MARCHF1: variants seen among roughly 807,000 people sequenced by gnomAD.
MARCHF1 encodes the protein membrane associated ring-CH-type finger 1, also known as E3 ubiquitin-protein ligase MARCHF1.
A neutral mutation model predicts 54.2 loss-of-function variants in MARCHF1; 40 were observed. That is an observed-to-expected ratio of 0.74 (90% confidence interval 0.57 to 0.96). MARCHF1 has a LOEUF of 0.96. Among genes scored for constraint, MARCHF1 ranks in the 40% least tolerant of loss-of-function variants. MARCHF1 has a pLI of 0.00. For synonymous variants in MARCHF1, 236 were observed against 236.3 expected, an observed-to-expected ratio of 1.00 and a Z score of 0.01; for missense variants, 586 against 656.5, an observed-to-expected ratio of 0.89 and a Z score of 1.17.
In MARCHF1 at chr4:164,121,776, C is replaced by T. The variant is rs145881277; in HGVS notation, c.-322-10114G>A. ...ATTCCATCAAAAATTCAAAGAAGAA[C>T]TAATATCAACCCCACTCCAGCTATT... On this transcript the variant is annotated intron_variant, in intron 1 of 9. Transcript: ENST00000514618. Among the ~76,000 whole-genome samples, 56 of 152,182 alleles carry T rather than the reference C, an allele frequency of 3.7e-4. 2 individuals are homozygous for T. In the East Asian group the frequency reaches 0.01, roughly 28 times the overall value.
intron 1 of MARCHF1, among the ~76,000 whole-genome samples, chr4:164,164,974 G>A (rs1730333162): frequency 6.6e-6 from 1 of 151,928 alleles, no homozygotes; most frequent in Non-Finnish European, 1.5e-5. Flanking sequence ...AGAAAAAGAA[G>A]CTCAACTTCA....
rs77302915 is a variant in MARCHF1, at chr4:163,879,118, C to T, written c.-38-24949G>A. The stretch of plus-strand genomic sequence containing the variant: ...AAGGAAAACTCATCTTTAAGGCAAT[C>T]GTGAAAGAGACACTATGAAGACAAA... On this transcript the variant is annotated intron_variant, in intron 3 of 9. Transcript: ENST00000514618. Among the ~76,000 whole-genome samples the T allele has an allele frequency of 0.015, 2,284 of 152,212 alleles. 128 individuals carry two copies. The East Asian group carries it at 0.18, about 12-fold the overall frequency.
At chr4:163,769,166 C>G (rs1331072218) in intron 4 of MARCHF1, among the ~76,000 whole-genome samples, 3 of 152,078 alleles carry the variant, frequency 2.0e-5, no homozygotes, top group Non-Finnish European at 2.9e-5. Flanking sequence ...AACAGGCAAA[C>G]ACATTTCTGA....
chr4:164,307,963 C>G (rs954810297), intron 1 of MARCHF1, among the ~76,000 whole-genome samples: 1 of 152,128 alleles, frequency 6.6e-6, no homozygotes, highest in African/African-American at 2.4e-5. Context: ...ACATGATTTA[C>G]CCCTTGAGCC....
intron 3 of MARCHF1, among the ~76,000 whole-genome samples, chr4:163,937,844 A>G (rs1227618030): frequency 6.6e-6 from 1 of 152,190 alleles, no homozygotes; most frequent in Admixed American, 6.5e-5. Context: ...CAGAGTTTAA[A>G]TTATAGGAAA....
At chr4:164,075,548 C>T (rs574061205) in intron 2 of MARCHF1, among the ~76,000 whole-genome samples, 2 of 152,310 alleles carry the variant, frequency 1.3e-5, no homozygotes, top group South Asian at 4.2e-4. Flanking sequence ...ACATCAGACA[C>T]ATGTGCAATA....
intron 1 of MARCHF1, among the ~76,000 whole-genome samples, chr4:164,235,822 A>G (rs1435571459): frequency 6.6e-6 from 1 of 152,230 alleles, no homozygotes; most frequent in East Asian, 1.9e-4. Flanking sequence ...GTGTACTACA[A>G]TCTCAGAATT....
At chr4:164,229,464 G>A (rs1341549967) in intron 1 of MARCHF1, among the ~76,000 whole-genome samples, 1 of 152,110 alleles carries the variant, frequency 6.6e-6, no homozygotes, top group Non-Finnish European at 1.5e-5. Context: ...TCATGAGAGT[G>A]GTGTTTCTTG....
Position 163,658,892 on chromosome 4 carries a change from G to A in MARCHF1, c.162+41921C>T, listed in dbSNP as rs150646701. Among the ~76,000 whole-genome samples the A allele has an allele frequency of 4.7e-3, 711 of 151,778 alleles. 9 individuals carry two copies. The highest frequency in any genetic ancestry group is 0.017 in the African/African-American group (687 of 41,412). ...TTGATAGGTGCAGCAAACCACTATG[G>A]CACATGTTTACCTATGTAACAAACA... is the stretch of plus-strand genomic sequence containing the variant. On this transcript the variant is annotated intron_variant, in intron 5 of 9. Coordinates refer to ENST00000514618, the MANE Select transcript of MARCHF1 (RefSeq NM_001394959.1).
At chr4:164,229,513 A>G (rs999151633) in intron 1 of MARCHF1, among the ~76,000 whole-genome samples, 1 of 152,202 alleles carries the variant, frequency 6.6e-6, no homozygotes, top group African/African-American at 2.4e-5. Flanking sequence ...ACAGGGTTTC[A>G]GTCTGTCACT....
rs543659138 is a variant in MARCHF1 at position 164,233,040 on chromosome 4, T to C, written c.-322-121378A>G. ...CCCATCTGCAGGCTCAGCTCTGTTT[T>C]AGAAGTAATTTCAGTGCCATACAAG... On this transcript the variant is annotated intron_variant, in intron 1 of 9. Transcript: ENST00000514618. Among the ~76,000 whole-genome samples, 20 of 152,306 alleles carry C rather than the reference T, an allele frequency of 1.3e-4. No homozygotes were observed. The East Asian group carries it at 3.1e-3, about 24-fold the overall frequency.
intron 2 of MARCHF1, among the ~76,000 whole-genome samples, chr4:164,065,323 A>G (rs911487885): frequency 1.3e-5 from 2 of 152,230 alleles, no homozygotes; most frequent in Non-Finnish European, 2.9e-5. Context: ...TGTAAAACCC[A>G]AAACTATAAA....
chr4:163,726,985 T>G (rs1430316177), intron 4 of MARCHF1, among the ~76,000 whole-genome samples: 1 of 152,220 alleles, frequency 6.6e-6, no homozygotes, highest in African/African-American at 2.4e-5. Context: ...CTACTAGTTA[T>G]TTATCTTGCA....
At chr4:164,133,856 G>A (rs920378321) in intron 1 of MARCHF1, among the ~76,000 whole-genome samples, 2 of 152,134 alleles carry the variant, frequency 1.3e-5, no homozygotes, top group Non-Finnish European at 2.9e-5. Flanking sequence ...GAGTAGCATA[G>A]GTCTGAAGAG....
intron 2 of MARCHF1, among the ~76,000 whole-genome samples, chr4:164,010,764 A>T (rs930936642): frequency 6.6e-6 from 1 of 152,116 alleles, no homozygotes; most frequent in African/African-American, 2.4e-5. Flanking sequence ...TAGAAAAAAA[A>T]TCTTAAAATT....
chr4:163,815,939 G>A (rs1340877464), intron 4 of MARCHF1, among the ~76,000 whole-genome samples: 1 of 151,854 alleles, frequency 6.6e-6, no homozygotes, highest in Non-Finnish European at 1.5e-5. Flanking sequence ...TTTTATGGCT[G>A]GAAAAAAGTA....
intron 4 of MARCHF1, among the ~76,000 whole-genome samples, chr4:163,733,520 ATG>A (rs1464488499): frequency 1.1e-4 from 17 of 150,458 alleles, no homozygotes; most frequent in East Asian, 5.9e-4. Context: ...TTTGTTACAT[ATG>A]TATACATGTG....
chr4:163,727,499 G>A (rs1181305005), intron 4 of MARCHF1, among the ~76,000 whole-genome samples: 1 of 151,882 alleles, frequency 6.6e-6, no homozygotes, highest in Admixed American at 6.6e-5. Flanking sequence ...TGGAGATGGG[G>A]TTTCACTGTG....
At chr4:163,879,954 G>A (rs1420941345) in intron 3 of MARCHF1, among the ~76,000 whole-genome samples, 9 of 152,046 alleles carry the variant, frequency 5.9e-5, no homozygotes. Flanking sequence ...TGATACCTAA[G>A]GTAACATCTA....
Sources: gnomAD v4.1 joint callset for allele counts (sites outside exome capture counted in the v4.1 genomes callset) on GRCh38, gnomAD v4.1.1 for gene constraint, MANE v1.5 for transcripts, NCBI Gene and HGNC (gene_info 2026-07-23, HGNC 2026-07-21) for gene names.